LMLN: variants seen among roughly 807,000 people sequenced by gnomAD.
LMLN encodes leishmanolysin-like peptidase.
In LMLN, 70 loss-of-function variants were observed where a neutral mutation model predicts 92.3. That is an observed-to-expected ratio of 0.76 (90% CI 0.63 to 0.92). The LOEUF (loss-of-function observed/expected upper bound fraction) is 0.92, where lower values mean the gene tolerates loss of function less well. Ranked by LOEUF, LMLN falls within the 40% of genes least tolerant of loss-of-function variation. The pLI is 0.00. For missense variants in LMLN, 691 were observed against 814.6 expected (o/e 0.85, Z 1.85); for synonymous variants, 308 against 296.2 (o/e 1.04, Z -0.41).
chr3:197,975,964 T>G, intron 3 of LMLN, 65 bp from the exon 4 acceptor site: 1 of 996,000 alleles, frequency 1.0e-6, no homozygotes, highest in Non-Finnish European at 1.5e-6. Flanking sequence ...TGTGTTTGCT[T>G]CTTTTAAATA....
At chr3:198,036,771 A>G (rs1339147214) in intron 15 of LMLN, among the ~76,000 whole-genome samples, 1 of 152,258 alleles carries the variant, frequency 6.6e-6, no homozygotes, top group Non-Finnish European at 1.5e-5. Flanking sequence ...GAATTCATCA[A>G]TTCACAATTA....
intron 12 of LMLN, among the ~76,000 whole-genome samples, chr3:198,020,094 C>T (rs1286748445): frequency 6.6e-6 from 1 of 152,182 alleles, no homozygotes; most frequent in Non-Finnish European, 1.5e-5. Context: ...CTCCTGGCCT[C>T]AAGTGATCCA....
intron 13 of LMLN, among the ~76,000 whole-genome samples, chr3:198,022,860 C>T (rs1197195665): frequency 2.6e-5 from 4 of 152,068 alleles, no homozygotes; most frequent in African/African-American, 9.7e-5. Flanking sequence ...CCCCATGTCA[C>T]ATAAAAATAA....
chr3:198,038,936 A>G (rs1429369437), exon 16 of LMLN: 72 of 246,796 alleles, frequency 2.9e-4, no homozygotes, highest in Admixed American at 1.4e-3. Context: ...CAGCAACCCA[A>G]CCACCTCGTC....
At chr3:198,028,553 T>G (rs1722996782) in intron 14 of LMLN, among the ~76,000 whole-genome samples, 1 of 152,244 alleles carries the variant, frequency 6.6e-6, no homozygotes, top group Non-Finnish European at 1.5e-5. Flanking sequence ...TGTTTTCATG[T>G]CAACCCTTTG....
At chr3:198,002,944 C>A in intron 11 of LMLN, 71 bp from the exon 12 acceptor site, 1 of 837,632 alleles carries the variant, frequency 1.2e-6, no homozygotes, top group Non-Finnish European at 1.9e-6. Flanking sequence ...TGTTGAGATT[C>A]TCAATTGTTA....
At chr3:197,963,246 C>G (rs1424357693) in intron 1 of LMLN, among the ~76,000 whole-genome samples, 2 of 148,980 alleles carry the variant, frequency 1.3e-5, no homozygotes, top group Non-Finnish European at 3.0e-5. Context: ...CTCTGTCACT[C>G]AGGCTGGAGT....
chr3:197,972,367 A>G (rs11715866), intron 1 of LMLN, among the ~76,000 whole-genome samples: 16,870 of 152,094 alleles, frequency 0.11, 1,230 homozygotes, highest in Non-Finnish European at 0.16. Context: ...TCCGGCCCCA[A>G]TGAATTTTTC....
rs1322400859 is a variant in LMLN at position 198,042,240 on chromosome 3, T to C, written c.*3573T>C. 1 of 152,026 alleles carries C rather than the reference T, an allele frequency of 6.6e-6. No homozygotes were observed. Among genetic ancestry groups the C allele is most frequent in the African/African-American group, 2.4e-5 (1 of 41,388 alleles). The allele number at this position is 152,026 out of a possible 1,614,324, so 9.4% of individuals were successfully genotyped here. ...AGGCACATTTTAGTCACTTTGAATATGGTAGTGGTGGGCGCGGTGACTGAA... is the reference window on the plus strand; with the variant it reads ...AGGCACATTTTAGTCACTTTGAATACGGTAGTGGTGGGCGCGGTGACTGAA... On this transcript the variant is annotated 3_prime_UTR_variant, in exon 16 of 16. Transcript: ENST00000330198. The surrounding 1 kb of genome is among the most constrained non-coding windows in gnomAD (Gnocchi z 4.2).
intron 9 of LMLN, 75 bp from the exon 10 acceptor site, chr3:197,996,100 T>C: frequency 3.1e-6 from 2 of 653,454 alleles, no homozygotes; most frequent in Non-Finnish European, 5.1e-6. Context: ...ATTATATTCA[T>C]GTGATGAAAA....
intron 11 of LMLN, among the ~76,000 whole-genome samples, chr3:198,011,872 A>G (rs1722452474): frequency 6.6e-6 from 1 of 152,208 alleles, no homozygotes. Context: ...AAAATTGACA[A>G]ATGGGATCTA....
intron 1 of LMLN, among the ~76,000 whole-genome samples, chr3:197,967,401 A>G (rs1721089230): frequency 6.6e-6 from 1 of 152,216 alleles, no homozygotes; most frequent in Non-Finnish European, 1.5e-5. Context: ...CCTGAGCCGC[A>G]AAAGCAGCAG....
At chr3:197,999,618 C>G (rs1288052377) in intron 11 of LMLN, 2 of 341,282 alleles carry the variant, frequency 5.9e-6, no homozygotes, top group East Asian at 1.2e-4. Flanking sequence ...TCCTGGACTT[C>G]CCGGGCTCAA....
At chr3:197,992,872 C>T (rs1721915024) in intron 9 of LMLN, among the ~76,000 whole-genome samples, 1 of 151,946 alleles carries the variant, frequency 6.6e-6, no homozygotes, top group African/African-American at 2.4e-5. Context: ...AGCATAAGTA[C>T]AAAAATTTTC....
At chr3:198,006,863 C>G (rs1722308878) in intron 11 of LMLN, among the ~76,000 whole-genome samples, 1 of 152,090 alleles carries the variant, frequency 6.6e-6, no homozygotes, top group African/African-American at 2.4e-5. Context: ...CAGGCACGTA[C>G]CACTATGTCT....
At position 198,025,286 on chromosome 3, in the gene LMLN, A is replaced by T. The variant is rs111758264; in HGVS notation, c.1656+498A>T. ...CCTGTCTCCAAAAAATAAAGGAAAA[A>T]GAATAAATCAGTTGCTGATTAATAA... On this transcript the variant is annotated intron_variant, in intron 14 of 15. Transcript: ENST00000330198. This position sits in a 1 kb window ranked among gnomAD's most constrained non-coding sequence, Gnocchi z 4.3. 0.37 allele frequency among the ~76,000 whole-genome samples: 634 copies of T among 1,718 alleles called. 3 individuals are homozygous for T. Among genetic ancestry groups the T allele is most frequent in the Non-Finnish European group, 0.4 (511 of 1,268 alleles). 1.1% of individuals were successfully genotyped at this position (1,718 alleles called of 152,430 possible). A position where few individuals can be genotyped will look rare whatever the true frequency, so the allele number is the denominator to read the frequency against.
chr3:198,030,248 C>T (rs1723043211), intron 14 of LMLN, among the ~76,000 whole-genome samples: 1 of 152,180 alleles, frequency 6.6e-6, no homozygotes, highest in Admixed American at 6.5e-5. Context: ...TTCGCCTCGT[C>T]CTCTTGCTGT....
intron 8 of LMLN, 79 bp from the exon 9 acceptor site, chr3:197,990,480 T>C (rs1005369697): frequency 2.2e-5 from 14 of 632,948 alleles, no homozygotes; most frequent in African/African-American, 1.5e-4. Flanking sequence ...ATAAAGACTT[T>C]TTACAGTAAA....
intron 8 of LMLN, among the ~76,000 whole-genome samples, chr3:197,988,203 C>T (rs961580596): frequency 2.4e-4 from 36 of 150,924 alleles, no homozygotes; most frequent in South Asian, 1.5e-3. Flanking sequence ...AGGTGGGTCT[C>T]GAACTCCTGG....
Sources: gnomAD v4.1 joint callset for allele counts (sites outside exome capture counted in the v4.1 genomes callset) on GRCh38, gnomAD v4.1.1 for gene constraint, Gnocchi (gnomAD v3.1) non-coding constraint, MANE v1.5 for transcripts, NCBI Gene and HGNC (gene_info 2026-07-23, HGNC 2026-07-21) for gene names.